Variants in DIAPH2 observed in about 807,000 individuals in gnomAD.
DIAPH2 encodes protein diaphanous homolog 2.
In DIAPH2, 35 loss-of-function variants were observed where a neutral mutation model predicts 92.7. That is an observed-to-expected ratio of 0.38 (90% CI 0.29 to 0.50). The LOEUF is 0.50. Ranked by LOEUF, DIAPH2 falls within the 20% of genes least tolerant of loss-of-function variation. DIAPH2 has a pLI of 0.94. For missense variants in DIAPH2, 701 were observed against 819.5 expected (o/e 0.86, Z 1.77); for synonymous variants, 301 against 280.4 (o/e 1.07, Z -0.73).
intron 26 of DIAPH2, among the ~76,000 whole-genome samples, chrX:97,552,924 G>T (rs1401823068): frequency 5.4e-5 from 6 of 111,184 alleles, no homozygotes; most frequent in Non-Finnish European, 1.1e-4. Flanking sequence ...CTCTGTCCTT[G>T]GCCCTTCTCA....
chrX:97,386,294 C>G (rs2069599490), intron 25 of DIAPH2, among the ~76,000 whole-genome samples: 2 of 111,908 alleles, frequency 1.8e-5, no homozygotes, highest in Non-Finnish European at 3.8e-5. Context: ...GTCACTCTAT[C>G]AGGAGGTAAG....
chrX:97,213,010 A>G (rs1335223035), intron 22 of DIAPH2, among the ~76,000 whole-genome samples: 2 of 111,908 alleles, frequency 1.8e-5, no homozygotes, highest in African/African-American at 6.5e-5. Context: ...GGAATGGATG[A>G]TATGTGTAGA....
intron 21 of DIAPH2, among the ~76,000 whole-genome samples, chrX:97,141,018 T>A (rs1037183490): frequency 1.8e-5 from 2 of 111,747 alleles, no homozygotes; most frequent in Admixed American, 1.9e-4. Flanking sequence ...TTTTTGTGTG[T>A]CCTATGCTTT....
chrX:97,099,768 C>T lies in DIAPH2; in HGVS notation c.2322C>T (p.Leu774=), dbSNP rs768655824. The T allele has an allele frequency of 8.5e-7, 1 of 1,176,532 alleles. No individual in the cohort carries two copies. The highest frequency in any genetic ancestry group is 1.1e-6 in the Non-Finnish European group (1 of 878,406). The part of the protein sequence containing the change: ...LAELKNEYDD[L]CEPEQFGVVM... Reference sequence around the variant, plus strand: ...AGCTTAAGAATGAATATGATGACCTCTGTGAGCCTGAACAATTTGGAGTTG... The same window carrying T: ...AGCTTAAGAATGAATATGATGACCTTTGTGAGCCTGAACAATTTGGAGTTG... Residue 774 remains leucine, a synonymous_variant, in exon 20 of 27, where the codon CTC becomes CTT. Transcript: ENST00000324765.
intron 25 of DIAPH2, among the ~76,000 whole-genome samples, chrX:97,409,794 T>C (rs2069849276): frequency 8.9e-6 from 1 of 112,421 alleles, no homozygotes; most frequent in Admixed American, 9.4e-5. Flanking sequence ...GAGATTGACC[T>C]GCAAGGCAGC....
At chrX:97,312,345 C>CTTT (rs56309139) in intron 23 of DIAPH2, among the ~76,000 whole-genome samples, 4 of 54,945 alleles carry the variant, frequency 7.3e-5, no homozygotes, top group African/African-American at 2.3e-4. Context: ...CAATAGAATC[C>CTTT]TTTTTTTTTT....
At position 96,836,685 on chromosome X, in the gene DIAPH2, GTATATATATATATATATA is replaced by G. The variant is rs1242221387; in HGVS notation, c.448-44878_448-44861del. Among the ~76,000 whole-genome samples, 7 of 28,331 alleles carry G rather than the reference GTATATATATATATATATA, an allele frequency of 2.5e-4. 1 individual carries two copies. The highest frequency in any genetic ancestry group is 7.5e-4 in the Admixed American group (1 of 1,337). 24.6% of individuals were successfully genotyped at this position (28,331 alleles called of 115,157 possible). ...CTAATTTCATTTTAAAGCAGTACAG[GTATATATATATATATATA>G]TATATATATATATATTTTTTTTTTT... is the stretch of plus-strand genomic sequence containing the variant. On this transcript the variant is annotated intron_variant, in intron 4 of 26. Coordinates refer to ENST00000324765, the MANE Select transcript of DIAPH2 (RefSeq NM_006729.5).
At chrX:97,498,919 C>CT (rs1383910101) in intron 26 of DIAPH2, among the ~76,000 whole-genome samples, 1 of 111,220 alleles carries the variant, frequency 9.0e-6, no homozygotes, top group African/African-American at 3.3e-5. Flanking sequence ...TGAGGACTGA[C>CT]TCCTAGAGTG....
chrX:96,962,619 A>T (rs368206889), intron 16 of DIAPH2, among the ~76,000 whole-genome samples: 1 of 102,847 alleles, frequency 9.7e-6, no homozygotes, highest in South Asian at 4.4e-4. Context: ...TTGCAATTTA[A>T]TATCTTCTAT....
chrX:97,585,900 T>C (rs2071477018), intron 26 of DIAPH2, among the ~76,000 whole-genome samples: 1 of 112,295 alleles, frequency 8.9e-6, no homozygotes, highest in East Asian at 2.8e-4. Flanking sequence ...GCTTATTCCA[T>C]TTTTCAAAAT....
At chrX:97,315,976 G>A (rs369233530) in intron 23 of DIAPH2, among the ~76,000 whole-genome samples, 6 of 111,537 alleles carry the variant, frequency 5.4e-5, no homozygotes, top group African/African-American at 2.0e-4. Flanking sequence ...TTATTAAGCC[G>A]ATGATTACAT....
Position 97,599,278 on chromosome X carries a change from G to A in DIAPH2, c.3267G>A (p.Arg1089=), listed in dbSNP as rs1191374148. The change falls in exon 27 of 27, where the codon AGG becomes AGA. Residue 1089 remains arginine, a synonymous_variant. Coordinates refer to ENST00000324765, the MANE Select transcript of DIAPH2 (RefSeq NM_006729.5). ...NPDNRRVPLE[R]SRSRHNGAIS... The stretch of plus-strand genomic sequence containing the variant: ...ATAACAGACGAGTACCTTTGGAAAG[G>A]TCACGCTCTCGCCACAATGGAGCTA... 4.2e-6 allele frequency: 5 copies of A among 1,196,118 alleles called. No individual in the cohort carries two copies. Among genetic ancestry groups the A allele is most frequent in the Non-Finnish European group, 4.5e-6 (4 of 885,024 alleles).
chrX:97,375,942 G>A (rs1312779481), intron 24 of DIAPH2, among the ~76,000 whole-genome samples: 1 of 111,367 alleles, frequency 9.0e-6, no homozygotes, highest in Non-Finnish European at 1.9e-5. Context: ...TGGTCCTTCC[G>A]TAAACATTAA....
chrX:96,739,851 C>T (rs746595118), intron 3 of DIAPH2, among the ~76,000 whole-genome samples: 12 of 111,766 alleles, frequency 1.1e-4, no homozygotes, highest in Non-Finnish European at 2.1e-4. Flanking sequence ...CTTCTTTAAA[C>T]CATCTTTCAA....
chrX:96,863,286 T>C (rs1336873270), intron 4 of DIAPH2, among the ~76,000 whole-genome samples: 2 of 108,377 alleles, frequency 1.8e-5, no homozygotes, highest in East Asian at 5.8e-4. Context: ...CTGTACTATT[T>C]TGTACAGCTC....
intron 25 of DIAPH2, among the ~76,000 whole-genome samples, chrX:97,418,135 C>T (rs2147767421): frequency 8.9e-6 from 1 of 112,103 alleles, no homozygotes; most frequent in East Asian, 2.8e-4. Flanking sequence ...TCTTTTCAGA[C>T]CATAGTTGAC....
chrX:97,046,973 A>T (rs1277639485), intron 17 of DIAPH2, among the ~76,000 whole-genome samples: 1 of 111,242 alleles, frequency 9.0e-6, no homozygotes, highest in Non-Finnish European at 1.9e-5. Context: ...ACAGGATTGA[A>T]TGGCAGAGGC....
intron 25 of DIAPH2, among the ~76,000 whole-genome samples, chrX:97,391,571 A>G (rs916784738): frequency 2.7e-5 from 3 of 111,636 alleles, no homozygotes; most frequent in Non-Finnish European, 5.6e-5. Context: ...GGATAAAGTA[A>G]GTCACATTGG....
intron 25 of DIAPH2, among the ~76,000 whole-genome samples, chrX:97,386,836 G>A (rs1276159837): frequency 2.9e-4 from 29 of 100,194 alleles, no homozygotes; most frequent in Non-Finnish European, 4.6e-4. Flanking sequence ...GAGTACACTT[G>A]TAGAATGTGC....
Sources: allele counts gnomAD v4.1 joint callset (sites outside exome capture counted in the v4.1 genomes callset), GRCh38; gene constraint gnomAD v4.1.1; transcripts MANE v1.5; gene names NCBI Gene and HGNC (gene_info 2026-07-23, HGNC 2026-07-21).